CYP2B6: variants seen among roughly 807,000 people sequenced by gnomAD.
CYP2B6 encodes cytochrome P450 family 2 subfamily B member 6.
In CYP2B6, 35 loss-of-function variants were observed where a neutral mutation model predicts 43.4. That is an observed-to-expected ratio of 0.81 (90% CI 0.62 to 1.07). CYP2B6 has a LOEUF of 1.07. Among genes scored for constraint, CYP2B6 ranks in the 50% least tolerant of loss-of-function variants. CYP2B6 has a pLI of 0.00. For missense variants in CYP2B6, 624 were observed against 632.8 expected (o/e 0.99, Z 0.15); for synonymous variants, 239 against 239.2 (o/e 1.00, Z 0.01).
chr19:41,016,965 C>T lies in CYP2B6; in HGVS notation c.*138C>T. ...CCAGCTTCCTTCCCCTCCATGGCAC[C>T]AGTTGTCTGAGGTCACATTGCAAGT... On this transcript the variant is annotated 3_prime_UTR_variant, in exon 9 of 9. Coordinates refer to ENST00000324071, the MANE Select transcript of CYP2B6 (RefSeq NM_000767.5). 1 of 836,638 alleles carries T rather than the reference C, an allele frequency of 1.2e-6. No homozygotes were observed. The highest frequency in any genetic ancestry group is 1.7e-5 in the South Asian group (1 of 57,306). 51.8% of individuals were successfully genotyped at this position (836,638 alleles called of 1,614,324 possible).
chr19:40,992,094 C>A (rs988871529), intron 1 of CYP2B6, among the ~76,000 whole-genome samples: 2 of 150,768 alleles, frequency 1.3e-5, no homozygotes, highest in Non-Finnish European at 2.9e-5. Context: ...CTCAGCTACC[C>A]AGGAGGCTGA....
chr19:41,011,027 T>C lies in CYP2B6; in HGVS notation c.964+892T>C, dbSNP rs185314452. On this transcript the variant is annotated intron_variant, in intron 6 of 8. Coordinates refer to ENST00000324071, the MANE Select transcript of CYP2B6 (RefSeq NM_000767.5). ...TTATGATTCATCTAAGGACATATAC[T>C]GTCATTCATTTATTTGGATTACTTG... 2.8e-5 allele frequency among the ~76,000 whole-genome samples: 4 copies of C among 143,094 alleles called. No homozygotes were observed. In the East Asian group the frequency reaches 8.0e-4, roughly 28 times the overall value. The allele number at this position is 143,094 out of a possible 152,430, so 93.9% of individuals were successfully genotyped here. A position where few individuals can be genotyped will look rare whatever the true frequency, so the allele number is the denominator to read the frequency against.
In CYP2B6 at chr19:41,015,999, T is replaced by TACAC. The variant is rs113314890; in HGVS notation, c.1295-627_1295-624dup. The stretch of plus-strand genomic sequence containing the variant: ...GTGCTCACACTCACACATGTACAGG[T>TACAC]ACACACACACACACACACACACAGA... On this transcript the variant is annotated intron_variant, in intron 8 of 8. Transcript: ENST00000324071. Among the ~76,000 whole-genome samples, 351 of 149,870 alleles carry TACAC rather than the reference T, an allele frequency of 2.3e-3. 2 individuals are homozygous for TACAC. The highest frequency in any genetic ancestry group is 7.3e-3 in the East Asian group (37 of 5,074).
intron 1 of CYP2B6, 84 bp downstream of exon 1, chr19:40,991,560 G>C: frequency 6.7e-7 from 1 of 1,488,728 alleles, no homozygotes; most frequent in Non-Finnish European, 9.3e-7. Flanking sequence ...GAATGAGGCA[G>C]ACTTCCAGAG....
chr19:40,998,874 G>A (rs1387182488), intron 1 of CYP2B6, among the ~76,000 whole-genome samples: 7 of 102,116 alleles, frequency 6.9e-5, no homozygotes, highest in African/African-American at 1.2e-4. Context: ...GAATAATGCC[G>A]CAATAAACAT....
intron 1 of CYP2B6, 197 bp from the exon 2 acceptor site, chr19:41,003,804 C>CCT: frequency 1.4e-6 from 1 of 724,900 alleles, no homozygotes; most frequent in Non-Finnish European, 2.4e-6. Flanking sequence ...ACTAAGAACC[C>CCT]ATGACTGTAT....
rs534763126 is a variant in CYP2B6, at chr19:41,015,091, G to A, written c.1295-1555G>A. ...TGGAAGAAAGCCAAAAAAAGGAGAG[G>A]AAAAGAAGAAAAGCTGTGTCTGACA... On this transcript the variant is annotated intron_variant, in intron 8 of 8. Transcript: ENST00000324071. Among the ~76,000 whole-genome samples, 5 of 152,130 alleles carry A rather than the reference G, an allele frequency of 3.3e-5. No individual in the cohort carries two copies. In the South Asian group the frequency reaches 8.3e-4, roughly 25 times the overall value.
At position 40,991,480 on chromosome 19, in the gene CYP2B6, A is replaced by C. The variant is rs759578379; in HGVS notation, c.171+4A>C. The stretch of plus-strand genomic sequence containing the variant: ...CCTACTCAAATCCTTTCTGAGGGTA[A>C]GACACAGACGAATGGGGTCTGAGGG... On this transcript the variant is annotated splice_donor_region_variant and intron_variant, in intron 1 of 8. Transcript: ENST00000324071. 1 of 1,613,494 alleles carries C rather than the reference A, an allele frequency of 6.2e-7. No homozygotes were observed.
chr19:41,006,221 T>C (rs1270827608), intron 3 of CYP2B6, among the ~76,000 whole-genome samples: 206 of 152,080 alleles, frequency 1.4e-3, no homozygotes, highest in African/African-American at 4.7e-3. Flanking sequence ...GGCACGATCA[T>C]AGCTCACTGC....
In CYP2B6 at chr19:41,007,117, A is replaced by G. The variant is rs772058920; in HGVS notation, c.645+52A>G. The G allele has an allele frequency of 2.3e-4, 364 of 1,559,962 alleles. No individual in the cohort carries two copies. The African/African-American group carries it at 3.9e-3, about 17-fold the overall frequency. ...GTGTGGGGGTGAGGTGAACACCCAG[A>G]ACACACGAGAAAAGGATGACCTGTC... On this transcript the variant is annotated intron_variant, in intron 4 of 8. Coordinates refer to ENST00000324071, the MANE Select transcript of CYP2B6 (RefSeq NM_000767.5).
chr19:40,997,489 C>A (rs1599842341), intron 1 of CYP2B6, among the ~76,000 whole-genome samples: 1 of 151,946 alleles, frequency 6.6e-6, no homozygotes, highest in East Asian at 1.9e-4. Flanking sequence ...GATCAATGGT[C>A]TTTTTAATGA....
In CYP2B6 at chr19:40,991,491, A is replaced by G. The variant is rs757866517; in HGVS notation, c.171+15A>G. 6.2e-7 allele frequency: 1 copy of G among 1,613,078 alleles called. No individual in the cohort carries two copies. Among genetic ancestry groups the G allele is most frequent in the Non-Finnish European group, 8.5e-7 (1 of 1,179,910 alleles). On this transcript the variant is annotated intron_variant, in intron 1 of 8. Transcript: ENST00000324071. The stretch of plus-strand genomic sequence containing the variant: ...CCTTTCTGAGGGTAAGACACAGACG[A>G]ATGGGGTCTGAGGGTGAGCTGCTTC...
rs1969297610 is a variant in CYP2B6 at position 41,012,331 on chromosome 19, G to A, written c.998G>A (p.Gly333Asp). The part of the protein sequence containing the change: ...RVYREIEQVI[G>D]PHRPPELHDR... ...TACAGGGAGATTGAACAGGTGATTGGCCCACATCGCCCTCCAGAGCTTCAT... is the reference window on the plus strand; with the variant it reads ...TACAGGGAGATTGAACAGGTGATTGACCCACATCGCCCTCCAGAGCTTCAT... Residue 333 changes from glycine to aspartate, a missense_variant, in exon 7 of 9, where the codon GGC becomes GAC. Gly to Asp is a moderately conservative substitution (Grantham distance 94). Coordinates refer to ENST00000324071, the MANE Select transcript of CYP2B6 (RefSeq NM_000767.5). The A allele has an allele frequency of 3.7e-6, 6 of 1,614,046 alleles. No individual in the cohort carries two copies. The highest frequency in any genetic ancestry group is 3.4e-6 in the Non-Finnish European group (4 of 1,180,014).
chr19:40,999,079 AGC>A, intron 1 of CYP2B6, among the ~76,000 whole-genome samples: 1 of 148,738 alleles, frequency 6.7e-6, no homozygotes, highest in Non-Finnish European at 1.5e-5. Context: ...CATCTTCTCC[AGC>A]ACCTGTTGTT....
At chr19:40,997,804 C>A (rs1969019513) in intron 1 of CYP2B6, among the ~76,000 whole-genome samples, 1 of 151,972 alleles carries the variant, frequency 6.6e-6, no homozygotes, top group Admixed American at 6.6e-5. Flanking sequence ...GCTCACGACA[C>A]CACTGGGCAA....
rs945106154 is a variant in CYP2B6, at chr19:41,016,820, C to T, written c.1469C>T (p.Pro490Leu). The T allele has an allele frequency of 5.6e-6, 9 of 1,613,706 alleles. No individual in the cohort carries two copies. Among genetic ancestry groups the T allele is most frequent in the Non-Finnish European group, 7.6e-6 (9 of 1,179,844 alleles). The part of the protein sequence containing the change: ...IPPTYQIRFL[P>L]R ...CCAACATACCAGATCCGCTTCCTGC[C>T]CCGCTGAAGGGGCTGAGGGAAGGGG... The change falls in exon 9 of 9, where the codon CCC (proline) becomes CTC (leucine). Residue 490 changes from proline to leucine, a missense_variant. Transcript: ENST00000324071.
At position 41,004,450 on chromosome 19, in the gene CYP2B6, A is replaced by G; in HGVS notation, c.484+4A>G. On this transcript the variant is annotated splice_donor_region_variant and intron_variant, in intron 3 of 8. Transcript: ENST00000324071. ...GAGGAGCTTCGGAAATCCAAGGGTG[A>G]GTCCTGGGGGATGAATAGGAAAGAA... 3 of 1,613,592 alleles carry G rather than the reference A, an allele frequency of 1.9e-6. No individual in the cohort carries two copies. The highest frequency in any genetic ancestry group is 2.5e-6 in the Non-Finnish European group (3 of 1,179,868).
intron 7 of CYP2B6, 68 bp downstream of exon 7, chr19:41,012,553 A>G (rs1969301949): frequency 6.2e-7 from 1 of 1,610,878 alleles, no homozygotes; most frequent in African/African-American, 1.3e-5. Flanking sequence ...CCCCGAACTC[A>G]ACCTTTTGTT....
At chr19:41,002,178 G>A (rs1482931038) in intron 1 of CYP2B6, among the ~76,000 whole-genome samples, 6 of 152,114 alleles carry the variant, frequency 3.9e-5, no homozygotes, top group Non-Finnish European at 7.3e-5. Flanking sequence ...TGGTGAGCAC[G>A]TGGATATTAA....
Sources: gnomAD v4.1 joint callset for allele counts (sites outside exome capture counted in the v4.1 genomes callset) on GRCh38, gnomAD v4.1.1 for gene constraint, MANE v1.5 for transcripts, NCBI Gene and HGNC (gene_info 2026-07-23, HGNC 2026-07-21) for gene names.